The following RAD51B variants were observed in gnomAD, a reference collection of about 807,000 sequenced individuals.
RAD51B encodes the protein RAD51 paralog B.
A neutral mutation model predicts 42.2 loss-of-function variants in RAD51B; 38 were observed. The observed-to-expected ratio is 0.90, with a 90% CI of 0.70 to 1.18. RAD51B has a LOEUF of 1.18. Among genes scored for constraint, RAD51B ranks in the 50% most tolerant of loss-of-function variants. The probability of loss-of-function intolerance (pLI) is 0.00; values close to 1 mark genes in which losing one functional copy is unlikely to be tolerated. For missense variants in RAD51B, 373 were observed against 400.7 expected (o/e 0.93, Z 0.59); for synonymous variants, 154 against 145.2 (o/e 1.06, Z -0.43).
downstream of RAD51B, among the ~76,000 whole-genome samples, chr14:68,613,371 T>A (rs1891745324): frequency 1.3e-5 from 2 of 150,542 alleles, no homozygotes; most frequent in South Asian, 4.2e-4. Flanking sequence ...TGAGCCAAGA[T>A]CACACCATTG....
intron 7 of RAD51B, among the ~76,000 whole-genome samples, chr14:67,940,584 C>T (rs561170931): frequency 6.6e-6 from 1 of 152,218 alleles, no homozygotes; most frequent in East Asian, 1.9e-4. Context: ...GTTCCATGTA[C>T]TCTGTCCAGA....
chr14:68,579,067 C>T (rs1035880368), intron 10 of RAD51B, among the ~76,000 whole-genome samples: 20 of 152,184 alleles, frequency 1.3e-4, no homozygotes, highest in African/African-American at 4.8e-4. Flanking sequence ...CTGGCAGTCA[C>T]TGATGCCAGA....
intron 7 of RAD51B, among the ~76,000 whole-genome samples, chr14:68,279,831 G>A (rs745482967): frequency 6.6e-6 from 1 of 152,106 alleles, no homozygotes. Flanking sequence ...CTATCATCAC[G>A]TATATTTAAG....
At chr14:68,527,683 T>G (rs571081195) in intron 10 of RAD51B, among the ~76,000 whole-genome samples, 1 of 152,376 alleles carries the variant, frequency 6.6e-6, no homozygotes, top group East Asian at 1.9e-4. Flanking sequence ...GACTACATAA[T>G]GCACCAATAG....
rs536410791 is a variant in RAD51B at position 68,564,659 on chromosome 14, C to T, written c.1037-29826C>T. Among the ~76,000 whole-genome samples the T allele has an allele frequency of 3.9e-5, 6 of 152,338 alleles. No individual in the cohort carries two copies. In the East Asian group the frequency reaches 9.6e-4, roughly 24 times the overall value. The stretch of plus-strand genomic sequence containing the variant: ...TCTGCTATCTCCTCACAGGGCTCCC[C>T]ACCACCACAAGGGCACCTTCCCAAG... On this transcript the variant is annotated intron_variant, in intron 10 of 10. Transcript: ENST00000487270.
At chr14:68,197,585 G>A (rs1039185939) in intron 7 of RAD51B, among the ~76,000 whole-genome samples, 3 of 152,004 alleles carry the variant, frequency 2.0e-5, no homozygotes, top group African/African-American at 7.2e-5. Context: ...TTCCAAAGTA[G>A]GTTATACAAA....
intron 7 of RAD51B, among the ~76,000 whole-genome samples, chr14:68,157,123 G>T (rs1017201528): frequency 6.6e-6 from 1 of 152,136 alleles, no homozygotes; most frequent in Non-Finnish European, 1.5e-5. Context: ...CTTGAGCCTG[G>T]GTGGTTGAGT....
At chr14:68,579,865 G>A (rs114195466) in intron 10 of RAD51B, among the ~76,000 whole-genome samples, 2 of 152,346 alleles carry the variant, frequency 1.3e-5, no homozygotes, top group African/African-American at 2.4e-5. Flanking sequence ...TGCCCCCACC[G>A]TCGGCTGCAG....
chr14:68,411,981 T>G (rs1254925831), intron 9 of RAD51B, among the ~76,000 whole-genome samples: 1 of 152,228 alleles, frequency 6.6e-6, no homozygotes, highest in Non-Finnish European at 1.5e-5. Flanking sequence ...ACTTTTACAT[T>G]AACGCATACA....
intron 7 of RAD51B, among the ~76,000 whole-genome samples, chr14:68,126,751 C>G (rs1026816765): frequency 7.2e-5 from 11 of 152,114 alleles, no homozygotes; most frequent in African/African-American, 2.4e-4. Flanking sequence ...TGTTTTGAGG[C>G]CCTTGAGTAT....
At chr14:68,114,276 T>A (rs892142561) in intron 7 of RAD51B, 4 of 152,064 alleles carry the variant, frequency 2.6e-5, no homozygotes, top group Non-Finnish European at 5.9e-5. Flanking sequence ...TTATATATAT[T>A]TTTGTTTTAT....
chr14:68,489,133 T>A (rs1331755080), intron 10 of RAD51B, among the ~76,000 whole-genome samples: 1 of 151,918 alleles, frequency 6.6e-6, no homozygotes, highest in Non-Finnish European at 1.5e-5. Context: ...TTTTTTTTTT[T>A]TATTAAATTT....
intron 7 of RAD51B, among the ~76,000 whole-genome samples, chr14:67,923,661 G>T (rs575984795): frequency 6.6e-6 from 1 of 152,052 alleles, no homozygotes; most frequent in Non-Finnish European, 1.5e-5. Flanking sequence ...TCATATTTTT[G>T]CAATTGCAAA....
chr14:68,152,059 G>T (rs941170933), intron 7 of RAD51B, among the ~76,000 whole-genome samples: 1 of 151,824 alleles, frequency 6.6e-6, no homozygotes, highest in African/African-American at 2.4e-5. Context: ...GGTCAGGCTG[G>T]TTTCGAACTC....
At chr14:68,601,241 T>G (rs1444047800) in intron 10 of RAD51B, among the ~76,000 whole-genome samples, 1 of 151,376 alleles carries the variant, frequency 6.6e-6, no homozygotes, top group Non-Finnish European at 1.5e-5. Flanking sequence ...TTTTTTTTGG[T>G]GGGGGGGTGG....
At chr14:68,615,976 C>A (rs1891817428), downstream of RAD51B, among the ~76,000 whole-genome samples, 1 of 152,034 alleles carries the variant, frequency 6.6e-6, no homozygotes, top group Admixed American at 6.5e-5. Flanking sequence ...TCCATCTGTT[C>A]TTTGTTACCT....
intron 7 of RAD51B, among the ~76,000 whole-genome samples, chr14:68,209,420 G>A (rs918186496): frequency 6.6e-6 from 1 of 152,078 alleles, no homozygotes; most frequent in African/African-American, 2.4e-5. Context: ...TGGCTTCCAG[G>A]GCCTCATATT....
chr14:68,151,823 CTTTTTTTTTTTTTTTTTTTTTT>C (rs71129868), intron 7 of RAD51B, among the ~76,000 whole-genome samples: 14 of 39,938 alleles, frequency 3.5e-4, no homozygotes, highest in African/African-American at 9.5e-4. Flanking sequence ...GTTATAAAGA[CTTTTTTTTTTTTTTTTTTTTTT>C]TTTTTTTTTT....
downstream of RAD51B, among the ~76,000 whole-genome samples, chr14:68,596,326 A>T (rs1890997942): frequency 6.6e-6 from 1 of 152,096 alleles, no homozygotes; most frequent in Non-Finnish European, 1.5e-5. Flanking sequence ...CCAGGGGTTC[A>T]TGGAGGACAA....
Sources: allele counts gnomAD v4.1 joint callset (sites outside exome capture counted in the v4.1 genomes callset), GRCh38; gene constraint gnomAD v4.1.1; transcripts MANE v1.5; gene names NCBI Gene and HGNC (gene_info 2026-07-23, HGNC 2026-07-21).